Variants in CCDC171 observed in about 807,000 individuals in gnomAD.
The protein encoded by CCDC171 is coiled-coil domain-containing protein 171.
A neutral mutation model predicts 168.2 loss-of-function variants in CCDC171; 177 were observed. The observed-to-expected ratio is 1.05, with a 90% CI of 0.93 to 1.19. The LOEUF (loss-of-function observed/expected upper bound fraction) is 1.19, where lower values mean the gene tolerates loss of function less well. CCDC171 is among the 50% of genes most tolerant of loss of function. The pLI is 0.00. For synonymous variants in CCDC171, 687 were observed against 540.8 expected (o/e 1.27, Z -3.75); for missense variants, 1,991 against 1,539.0 (o/e 1.29, Z -4.91).
chr9:15,961,898 T>C (rs1830372164), intron 25 of CCDC171, among the ~76,000 whole-genome samples: 1 of 152,200 alleles, frequency 6.6e-6, no homozygotes, highest in African/African-American at 2.4e-5. Context: ...ATATGTAATT[T>C]TGTGTACCGT....
In CCDC171 at chr9:16,046,058, T is replaced by G. The variant is rs373462577; in HGVS notation, n.89+3172T>G. On this transcript the variant is annotated intron_variant and non_coding_transcript_variant, in intron 1 of 1. Coordinates refer to the CCDC171 transcript ENST00000478913. Reference sequence around the variant, plus strand: ...CTTATTAACCTATTTTACACACTGGTTAGGTCACTCCCATAGACACAGTTA... The same window carrying G: ...CTTATTAACCTATTTTACACACTGGGTAGGTCACTCCCATAGACACAGTTA... Among the ~76,000 whole-genome samples the G allele has an allele frequency of 3.3e-5, 5 of 152,088 alleles. No homozygotes were observed. In the East Asian group the frequency reaches 5.8e-4, roughly 18 times the overall value.
the CCDC171 span, among the ~76,000 whole-genome samples, chr9:16,099,212 G>A: frequency 2.0e-5 from 3 of 152,174 alleles, no homozygotes; most frequent in Admixed American, 6.5e-5. Flanking sequence ...CAGGCTTTTA[G>A]ATACCCTTAG....
At chr9:15,817,648 G>A (rs1016856011) in intron 21 of CCDC171, among the ~76,000 whole-genome samples, 1 of 118,630 alleles carries the variant, frequency 8.4e-6, no homozygotes, top group African/African-American at 3.2e-5. Flanking sequence ...GGCTGGGGGA[G>A]GGGCGCCTGC....
chr9:15,653,789 A>C (rs982356278), intron 7 of CCDC171, among the ~76,000 whole-genome samples: 6 of 151,978 alleles, frequency 3.9e-5, no homozygotes, highest in Admixed American at 3.9e-4. Flanking sequence ...TTACTTAGTT[A>C]ATTCTTTTAT....
At position 16,028,489 on chromosome 9, in the gene CCDC171, C is replaced by T. The variant is rs551801120; in HGVS notation, n.998+5581C>T. 5.5e-4 allele frequency among the ~76,000 whole-genome samples: 84 copies of T among 152,306 alleles called. No homozygotes were observed. In the Middle Eastern group the frequency reaches 0.017, roughly 31 times the overall value. On this transcript the variant is annotated intron_variant and non_coding_transcript_variant, in intron 6 of 9. Coordinates refer to the CCDC171 transcript ENST00000486641. ...CAGGGTTACCAGATGAAATATAAGACACCCATATATGGGCACACTCATACT... is the reference window on the plus strand; with the variant it reads ...CAGGGTTACCAGATGAAATATAAGATACCCATATATGGGCACACTCATACT...
chr9:16,048,814 A>G (rs1833703394), intron 1 of CCDC171, among the ~76,000 whole-genome samples: 1 of 152,178 alleles, frequency 6.6e-6, no homozygotes, highest in South Asian at 2.1e-4. Flanking sequence ...TAAATGAGTT[A>G]TTAGAACAGT....
intron 25 of CCDC171, among the ~76,000 whole-genome samples, chr9:15,968,829 A>G (rs191614652): frequency 2.0e-5 from 3 of 152,262 alleles, no homozygotes; most frequent in Admixed American, 1.3e-4. Context: ...GTGAGCCACC[A>G]TCCCCAGCCG....
chr9:15,618,216 C>G lies in CCDC171; in HGVS notation c.676-5051C>G, dbSNP rs73410302. Among the ~76,000 whole-genome samples the G allele has an allele frequency of 1.8e-3, 273 of 152,300 alleles. 1 individual carries two copies. Among genetic ancestry groups the G allele is most frequent in the African/African-American group, 6.3e-3 (262 of 41,558 alleles). ...CTGCTGCATATCCTGCAGAGATGCCCTGCCCAGTGAGGAGGAATCCAGAGA... is the reference window on the plus strand; with the variant it reads ...CTGCTGCATATCCTGCAGAGATGCCGTGCCCAGTGAGGAGGAATCCAGAGA... On this transcript the variant is annotated intron_variant, in intron 6 of 25. Transcript: ENST00000380701.
chr9:15,657,127 G>T lies in CCDC171; in HGVS notation c.823G>T (p.Ala275Ser). The T allele has an allele frequency of 6.4e-7, 1 of 1,566,650 alleles. No homozygotes were observed. Among genetic ancestry groups the T allele is most frequent in the Non-Finnish European group, 8.7e-7 (1 of 1,152,204 alleles). The change falls in exon 8 of 26, where the codon GCA becomes TCA. Residue 275 changes from alanine to serine, a missense_variant and splice_region_variant. By Grantham distance (99) the Ala-to-Ser change is moderately conservative (BLOSUM62 1). Coordinates refer to ENST00000380701, the MANE Select transcript of CCDC171 (RefSeq NM_173550.4). ...REERLRKEFEATTLRVRKLEE... is the reference protein window; with the variant it reads ...REERLRKEFESTTLRVRKLEE... ...ATTTAAACTTTTAATTTGTTTTCAG[G>T]CAACTACTCTAAGAGTGAGGAAATT...
At chr9:16,095,467 T>C in the CCDC171 span, among the ~76,000 whole-genome samples, 1 of 152,016 alleles carries the variant, frequency 6.6e-6, no homozygotes, top group South Asian at 2.1e-4. Flanking sequence ...TCTTTCTCTC[T>C]CCCCACTCTT....
In CCDC171 at chr9:15,724,803, A is replaced by C. The variant is rs769415107; in HGVS notation, c.1519A>C (p.Asn507His). Residue 507 changes from asparagine (N) to histidine (H), a missense_variant, in exon 14 of 26, where the codon AAT becomes CAT. Coordinates refer to ENST00000380701, the MANE Select transcript of CCDC171 (RefSeq NM_173550.4). ...ACTTCAGGATAAACTGGCTGATGTT[A>C]ATAAAGAGTTAAGTCATTTACACAC... is the stretch of plus-strand genomic sequence containing the variant. ...KELQDKLADV[N>H]KELSHLHTKC... The C allele has an allele frequency of 6.2e-7, 1 of 1,613,644 alleles. No individual in the cohort carries two copies.
intron 25 of CCDC171, among the ~76,000 whole-genome samples, chr9:15,942,388 T>C (rs1213731927): frequency 6.6e-6 from 1 of 151,952 alleles, no homozygotes; most frequent in Non-Finnish European, 1.5e-5. Flanking sequence ...TAAGGTCGTC[T>C]GGTATGTCAG....
chr9:15,760,869 G>A (rs1460865349), intron 18 of CCDC171, among the ~76,000 whole-genome samples: 1 of 152,046 alleles, frequency 6.6e-6, no homozygotes, highest in African/African-American at 2.4e-5. Context: ...TTTCATTATA[G>A]TGTTTGCCCA....
the CCDC171 span, among the ~76,000 whole-genome samples, chr9:16,103,792 G>T: frequency 6.6e-6 from 1 of 152,198 alleles, no homozygotes; most frequent in Admixed American, 6.5e-5. Context: ...GGCGAGGGGG[G>T]CCTGCCCCCC....
At chr9:15,931,301 T>C (rs551228882) in intron 25 of CCDC171, among the ~76,000 whole-genome samples, 1 of 151,962 alleles carries the variant, frequency 6.6e-6, no homozygotes, top group South Asian at 2.1e-4. Flanking sequence ...TGAGGTGATA[T>C]CTCATTGTGG....
At chr9:15,629,152 T>C (rs1226899257) in intron 7 of CCDC171, among the ~76,000 whole-genome samples, 2 of 152,092 alleles carry the variant, frequency 1.3e-5, no homozygotes, top group Non-Finnish European at 2.9e-5. Flanking sequence ...ATGCAGTTCC[T>C]CACCAGCAAC....
intron 18 of CCDC171, among the ~76,000 whole-genome samples, chr9:15,768,382 T>C (rs989768295): frequency 6.6e-6 from 1 of 152,172 alleles, no homozygotes; most frequent in African/African-American, 2.4e-5. Context: ...ACATTTCTTA[T>C]TGGGTTATTT....
intron 23 of CCDC171, among the ~76,000 whole-genome samples, chr9:15,856,177 T>C (rs1410631231): frequency 6.6e-6 from 1 of 151,992 alleles, no homozygotes; most frequent in Admixed American, 6.6e-5. Flanking sequence ...AATTTTATTG[T>C]GGTAAGAACA....
chr9:16,108,683 G>A, the CCDC171 span, among the ~76,000 whole-genome samples: 4 of 152,220 alleles, frequency 2.6e-5, no homozygotes, highest in African/African-American at 9.6e-5. Context: ...GCATGTAAGA[G>A]ATGGACAGTT....
Sources: gnomAD v4.1 joint callset for allele counts (sites outside exome capture counted in the v4.1 genomes callset) on GRCh38, gnomAD v4.1.1 for gene constraint, MANE v1.5 for transcripts, NCBI Gene and HGNC (gene_info 2026-07-23, HGNC 2026-07-21) for gene names.